The following ENTREP2 variants were observed in gnomAD, a reference collection of about 807,000 sequenced individuals.
ENTREP2 encodes the protein protein ENTREP2.
chr15:29,566,238 A>C, the ENTREP2 span, among the ~76,000 whole-genome samples: 14 of 150,688 alleles, frequency 9.3e-5, no homozygotes, highest in African/African-American at 3.2e-4. Context: ...CACTCACTGC[A>C]AGCTCCGCCT....
At chr15:29,149,652 C>T in the ENTREP2 span, among the ~76,000 whole-genome samples, 1 of 152,206 alleles carries the variant, frequency 6.6e-6, no homozygotes, top group Non-Finnish European at 1.5e-5. Context: ...GCCGAGGAAA[C>T]GGGGTCCCAC....
chr15:29,526,609 A>T, the ENTREP2 span, among the ~76,000 whole-genome samples: 1 of 151,806 alleles, frequency 6.6e-6, no homozygotes, highest in Non-Finnish European at 1.5e-5. Flanking sequence ...CTATAGGCAC[A>T]TGTCACCACA....
the ENTREP2 span, among the ~76,000 whole-genome samples, chr15:29,562,381 A>AGG: frequency 6.6e-6 from 1 of 152,214 alleles, no homozygotes; most frequent in African/African-American, 2.4e-5. Flanking sequence ...ATATACACTG[A>AGG]GTTTTTTAGG....
At chr15:29,464,588 A>G in the ENTREP2 span, among the ~76,000 whole-genome samples, 1 of 152,346 alleles carries the variant, frequency 6.6e-6, no homozygotes, top group East Asian at 1.9e-4. Context: ...GGCCAAATGC[A>G]TCTTGATTTC....
the ENTREP2 span, among the ~76,000 whole-genome samples, chr15:29,233,109 T>A: frequency 6.6e-6 from 1 of 152,222 alleles, no homozygotes; most frequent in African/African-American, 2.4e-5. Context: ...GTTTATTTCA[T>A]CAGGCTCTAT....
the ENTREP2 span, chr15:29,375,255 T>C: frequency 6.6e-6 from 1 of 152,204 alleles, no homozygotes; most frequent in Non-Finnish European, 1.5e-5. Flanking sequence ...CCAATCTGGA[T>C]GGTGGGAAAA....
At chr15:29,372,070 T>A in the ENTREP2 span, among the ~76,000 whole-genome samples, 1 of 152,160 alleles carries the variant, frequency 6.6e-6, no homozygotes, top group Non-Finnish European at 1.5e-5. Flanking sequence ...TAAACAAGTA[T>A]GAGATCAATA....
At chr15:29,207,439 G>C in the ENTREP2 span, among the ~76,000 whole-genome samples, 1 of 115,550 alleles carries the variant, frequency 8.7e-6, no homozygotes, top group Non-Finnish European at 2.0e-5. Flanking sequence ...GCGGTGTGCC[G>C]CTGCCGGTTG....
At chr15:29,309,110 T>C in the ENTREP2 span, among the ~76,000 whole-genome samples, 1 of 152,196 alleles carries the variant, frequency 6.6e-6, no homozygotes, top group Admixed American at 6.5e-5. Flanking sequence ...CTGTCTTGTG[T>C]CAATTTAATT....
chr15:29,641,387 T>C, the ENTREP2 span, among the ~76,000 whole-genome samples: 2 of 152,188 alleles, frequency 1.3e-5, no homozygotes, highest in East Asian at 3.8e-4. Context: ...TTGTAGATTA[T>C]CTAATCCTGT....
the ENTREP2 span, among the ~76,000 whole-genome samples, chr15:29,546,511 A>G: frequency 2.6e-5 from 4 of 152,216 alleles, no homozygotes; most frequent in East Asian, 7.7e-4. Flanking sequence ...CAAAAAGTAC[A>G]TGGCCAAACC....
At chr15:29,511,054 A>T in the ENTREP2 span, among the ~76,000 whole-genome samples, 6 of 152,056 alleles carry the variant, frequency 3.9e-5, no homozygotes, top group South Asian at 8.3e-4. Flanking sequence ...GGTGGGGGGC[A>T]AGGGGAGGGA....
the ENTREP2 span, among the ~76,000 whole-genome samples, chr15:29,125,499 G>A: frequency 1.3e-5 from 2 of 152,304 alleles, no homozygotes; most frequent in Admixed American, 1.3e-4. Context: ...CTCCAGTAGA[G>A]ATCAGCTGGG....
the ENTREP2 span, among the ~76,000 whole-genome samples, chr15:29,324,502 A>G: frequency 1.6e-3 from 246 of 152,308 alleles, no homozygotes; most frequent in Admixed American, 4.7e-3. Flanking sequence ...AGCCAACTAT[A>G]TGTAGTCTAC....
the ENTREP2 span, among the ~76,000 whole-genome samples, chr15:29,507,307 G>A: frequency 0.033 from 4,964 of 152,202 alleles, 256 homozygotes; most frequent in African/African-American, 0.11. Flanking sequence ...CAGTAATAGT[G>A]GGAGAATTTA....
At chr15:29,198,491 TAG>T in the ENTREP2 span, among the ~76,000 whole-genome samples, 1 of 152,236 alleles carries the variant, frequency 6.6e-6, no homozygotes, top group Non-Finnish European at 1.5e-5. Context: ...ATGTTGGACT[TAG>T]ACATTTTTGT....
chr15:29,132,611 A>G, the ENTREP2 span, among the ~76,000 whole-genome samples: 1 of 152,228 alleles, frequency 6.6e-6, no homozygotes. Context: ...AGAATTCCCC[A>G]GAGTTCTGGA....
chr15:29,438,061 C>A, the ENTREP2 span, among the ~76,000 whole-genome samples: 1 of 152,220 alleles, frequency 6.6e-6, no homozygotes, highest in South Asian at 2.1e-4. Context: ...GCAGCTCCAG[C>A]CTTGAACACA....
chr15:29,639,863 G>A, the ENTREP2 span, among the ~76,000 whole-genome samples: 1 of 135,800 alleles, frequency 7.4e-6, no homozygotes, highest in East Asian at 2.0e-4. Flanking sequence ...CTACCTCCCA[G>A]GTTCAAGCGA....
Sources: allele counts gnomAD v4.1 joint callset (sites outside exome capture counted in the v4.1 genomes callset), GRCh38; gene constraint gnomAD v4.1.1; transcripts MANE v1.5; gene names NCBI Gene and HGNC (gene_info 2026-07-23, HGNC 2026-07-21).